Variants in OSTM1 observed in about 807,000 individuals in gnomAD.
OSTM1 encodes the protein osteoclastogenesis associated transmembrane protein 1.
A neutral mutation model predicts 35.4 loss-of-function variants in OSTM1; 26 were observed. The ratio of observed to expected loss-of-function variants is 0.73; its 90% confidence interval spans 0.54 to 1.02. The LOEUF (loss-of-function observed/expected upper bound fraction) is 1.02. OSTM1 is among the 50% of genes least tolerant of loss of function. The pLI, the probability that OSTM1 is intolerant of heterozygous loss-of-function variation, is 0.00. For synonymous variants in OSTM1, 181 were observed against 165.0 expected (o/e 1.10, Z -0.75); for missense variants, 366 against 409.6 (o/e 0.89, Z 0.92).
intron 2 of OSTM1, among the ~76,000 whole-genome samples, chr6:108,063,908 A>G (rs1032648059): frequency 2.0e-5 from 3 of 152,204 alleles, no homozygotes; most frequent in African/African-American, 7.2e-5. Flanking sequence ...TTTTTCTCCC[A>G]TATCTGACAG....
chr6:108,048,059 C>A (rs981495186), intron 5 of OSTM1, among the ~76,000 whole-genome samples: 1 of 152,170 alleles, frequency 6.6e-6, no homozygotes, highest in South Asian at 2.1e-4. Context: ...TTAATAAATA[C>A]ACCCATGACA....
At chr6:108,045,915 T>C (rs1771960325) in intron 5 of OSTM1, among the ~76,000 whole-genome samples, 1 of 152,176 alleles carries the variant, frequency 6.6e-6, no homozygotes, top group South Asian at 2.1e-4. Flanking sequence ...GGGACCCTAG[T>C]ACCTGTACTT....
In OSTM1 at chr6:108,049,296, A is replaced by G; in HGVS notation, c.906T>C (p.Ser302=). Residue 302 remains serine (S), a synonymous_variant, in exon 5 of 6, where the codon AGT becomes AGC. Coordinates refer to ENST00000193322, the MANE Select transcript of OSTM1 (RefSeq NM_014028.4). The part of the protein sequence containing the change: ...ILFLPVVFYL[S]SFLHSEQKKR... The stretch of plus-strand genomic sequence containing the variant: ...TCTTTTGCTCTGAGTGAAGAAAGCT[A>G]CTAAGGTAGAAGACAACAGGTAGAA... The G allele has an allele frequency of 1.9e-6, 3 of 1,613,244 alleles. No individual in the cohort carries two copies. The highest frequency in any genetic ancestry group is 1.1e-5 in the South Asian group (1 of 91,022).
chr6:108,052,795 G>C (rs1772099627), intron 3 of OSTM1, among the ~76,000 whole-genome samples: 1 of 152,122 alleles, frequency 6.6e-6, no homozygotes, highest in African/African-American at 2.4e-5. Context: ...AACCCCACAA[G>C]AAATCCTTTC....
chr6:108,061,885 C>T (rs1772279049), intron 2 of OSTM1, among the ~76,000 whole-genome samples: 1 of 152,038 alleles, frequency 6.6e-6, no homozygotes, highest in Non-Finnish European at 1.5e-5. Flanking sequence ...ATTTAATATT[C>T]CAGGTGCATT....
Position 108,054,496 on chromosome 6 carries a change from GT to G in OSTM1, c.608del (p.Asn203ThrfsTer29). ...AATATTATATATAAAATACCTGAAG[GT>G]TATGTTCAAAGCAGGTCAGGGTGTG... ...FNHTLTCFEH[N>X]LQGNAHSLLQ... is the part of the protein sequence containing the mutation. On this transcript the variant is annotated frameshift_variant, in exon 3 of 6. Transcript: ENST00000193322. LOFTEE classifies it high-confidence loss of function. 1.4e-6 allele frequency: 2 copies of G among 1,428,636 alleles called. No homozygotes were observed. Among genetic ancestry groups the G allele is most frequent in the Non-Finnish European group, 2.0e-6 (2 of 1,016,516 alleles). The allele number at this position is 1,428,636 out of a possible 1,614,324, so 88.5% of individuals were successfully genotyped here. A position where few individuals can be genotyped will look rare whatever the true frequency, so the allele number is the denominator to read the frequency against.
intron 4 of OSTM1, 34 bp from the exon 5 acceptor site, chr6:108,049,452 A>C: frequency 6.2e-7 from 1 of 1,606,916 alleles, no homozygotes; most frequent in Non-Finnish European, 8.5e-7. Flanking sequence ...TTTCTATTTT[A>C]TATTTAACTT....
intron 2 of OSTM1, among the ~76,000 whole-genome samples, chr6:108,063,192 A>G (rs1168565474): frequency 6.6e-6 from 1 of 151,956 alleles, no homozygotes; most frequent in Non-Finnish European, 1.5e-5. Flanking sequence ...TAAAAAATAT[A>G]TATTTTTGTA....
chr6:108,073,532 C>T (rs779328196), intron 1 of OSTM1: 2 of 152,202 alleles, frequency 1.3e-5, no homozygotes, highest in Admixed American at 6.5e-5. Context: ...ATTTACCTCC[C>T]ATTTACTTAG....
chr6:108,058,541 C>A (rs959249046), intron 2 of OSTM1, among the ~76,000 whole-genome samples: 2 of 152,200 alleles, frequency 1.3e-5, no homozygotes, highest in Non-Finnish European at 2.9e-5. Context: ...GTAATCCCAG[C>A]ACTTTGGGAG....
chr6:108,069,634 A>G (rs1250269951), intron 1 of OSTM1, among the ~76,000 whole-genome samples: 1 of 152,208 alleles, frequency 6.6e-6, no homozygotes, highest in Admixed American at 6.5e-5. Flanking sequence ...GATAATGCTG[A>G]ATCACAATGA....
chr6:108,074,045 T>C (rs1772536874), intron 1 of OSTM1, among the ~76,000 whole-genome samples: 1 of 151,870 alleles, frequency 6.6e-6, no homozygotes, highest in African/African-American at 2.4e-5. Flanking sequence ...ACCAAAGATG[T>C]CCAACAGCAT....
chr6:108,071,751 G>A (rs1260343499), intron 1 of OSTM1, among the ~76,000 whole-genome samples: 1 of 152,058 alleles, frequency 6.6e-6, no homozygotes, highest in Admixed American at 6.5e-5. Context: ...GGGGAAATAA[G>A]GCGAGCCGAG....
intron 1 of OSTM1, among the ~76,000 whole-genome samples, chr6:108,066,135 T>C (rs1278377122): frequency 6.6e-6 from 1 of 152,128 alleles, no homozygotes; most frequent in Admixed American, 6.5e-5. Context: ...GTGAGGGTCA[T>C]GAGAGTTAGC....
intron 4 of OSTM1, among the ~76,000 whole-genome samples, chr6:108,050,350 A>T (rs1245136680): frequency 6.7e-6 from 1 of 149,612 alleles, no homozygotes; most frequent in Non-Finnish European, 1.5e-5. Flanking sequence ...AGTGAAATCC[A>T]GAAACGTCTT....
At chr6:108,063,349 A>G (rs1035771104) in intron 2 of OSTM1, among the ~76,000 whole-genome samples, 64 of 152,284 alleles carry the variant, frequency 4.2e-4, no homozygotes, top group Middle Eastern at 3.4e-3. Context: ...GTCCAATAGT[A>G]CAGGCCTAGG....
At chr6:108,048,114 T>C (rs1323616534) in intron 5 of OSTM1, among the ~76,000 whole-genome samples, 1 of 152,126 alleles carries the variant, frequency 6.6e-6, no homozygotes, top group Non-Finnish European at 1.5e-5. Context: ...TGACAAAACA[T>C]TACAAATTCA....
intron 4 of OSTM1, among the ~76,000 whole-genome samples, chr6:108,050,287 G>C (rs2114592261): frequency 6.9e-6 from 1 of 144,600 alleles, no homozygotes; most frequent in East Asian, 2.1e-4. Context: ...ATAGATATAA[G>C]AAAATAAAAC....
chr6:108,069,740 G>C (rs980191877), intron 1 of OSTM1, among the ~76,000 whole-genome samples: 1 of 152,148 alleles, frequency 6.6e-6, no homozygotes, highest in South Asian at 2.1e-4. Flanking sequence ...AGAAATCACT[G>C]TATTTTTCAC....
Sources: gnomAD v4.1 joint callset for allele counts (sites outside exome capture counted in the v4.1 genomes callset) on GRCh38, gnomAD v4.1.1 for gene constraint, MANE v1.5 for transcripts, NCBI Gene and HGNC (gene_info 2026-07-23, HGNC 2026-07-21) for gene names.